The following PPP2R2C variants were observed in gnomAD, a reference collection of about 807,000 sequenced individuals.
The protein encoded by PPP2R2C is protein phosphatase 2, regulatory subunit B, gamma.
Under a neutral mutation model 45.3 loss-of-function variants are expected in PPP2R2C, and 10 were observed. The ratio of observed to expected loss-of-function variants is 0.22; its 90% CI spans 0.14 to 0.37. The LOEUF (loss-of-function observed/expected upper bound fraction) is 0.37. Among genes scored for constraint, PPP2R2C ranks in the 10% least tolerant of loss-of-function variants. PPP2R2C has a pLI of 1.00. For synonymous variants in PPP2R2C, 257 were observed against 245.4 expected (o/e 1.05, Z -0.44); for missense variants, 308 against 619.7 (o/e 0.50, Z 5.34).
intron 3 of PPP2R2C, among the ~76,000 whole-genome samples, chr4:6,377,464 T>C (rs1715417733): frequency 6.6e-6 from 1 of 152,068 alleles, no homozygotes; most frequent in African/African-American, 2.4e-5. Context: ...GAGATCAACC[T>C]GGCCAACATG....
At chr4:6,362,587 C>A (rs1352929319) in intron 5 of PPP2R2C, among the ~76,000 whole-genome samples, 8 of 152,196 alleles carry the variant, frequency 5.3e-5, no homozygotes, top group African/African-American at 1.9e-4. Flanking sequence ...CAAAGCTGGG[C>A]AGGCCATCAG....
rs563651634 is a variant in PPP2R2C, at chr4:6,330,104, G to A, written c.961-751C>T. 1.6e-4 allele frequency among the ~76,000 whole-genome samples: 25 copies of A among 152,220 alleles called. No individual in the cohort carries two copies. Among genetic ancestry groups the A allele is most frequent in the South Asian group, 1.0e-3 (5 of 4,816 alleles). ...ACCAGGACCCTTCCCCAGGATTCCCGTACCCCACAGGAGAGAGGGTGACAC... is the reference window on the plus strand; with the variant it reads ...ACCAGGACCCTTCCCCAGGATTCCCATACCCCACAGGAGAGAGGGTGACAC... On this transcript the variant is annotated intron_variant, in intron 7 of 8. Coordinates refer to ENST00000382599, the MANE Select transcript of PPP2R2C (RefSeq NM_020416.4). This position sits in a 1 kb window ranked among gnomAD's most constrained non-coding sequence, Gnocchi z 7.0.
chr4:6,388,936 C>T (rs1468621739), intron 1 of PPP2R2C, among the ~76,000 whole-genome samples: 1 of 152,148 alleles, frequency 6.6e-6, no homozygotes, highest in African/African-American at 2.4e-5. Context: ...CAGGCTCCAG[C>T]CCCCGAGAAC....
chr4:6,362,030 G>A (rs1210182670), intron 5 of PPP2R2C, among the ~76,000 whole-genome samples: 2 of 152,088 alleles, frequency 1.3e-5, no homozygotes, highest in Admixed American at 6.6e-5. Flanking sequence ...TGGGGTGTGT[G>A]TGTGTTGGAG....
intron 1 of PPP2R2C, chr4:6,535,434 G>T (rs184425460): frequency 1.7e-6 from 2 of 1,159,976 alleles, no homozygotes; most frequent in Non-Finnish European, 2.4e-6. Context: ...GTGCATGCAC[G>T]CCGCCACACA....
chr4:6,391,887 T>C (rs140441304), intron 1 of PPP2R2C, among the ~76,000 whole-genome samples: 90 of 152,354 alleles, frequency 5.9e-4, no homozygotes, highest in African/African-American at 1.7e-3. Flanking sequence ...TGTGTGACCT[T>C]GGGCAAAGCC....
At chr4:6,448,242 T>G (rs958345038) in intron 1 of PPP2R2C, among the ~76,000 whole-genome samples, 8 of 152,128 alleles carry the variant, frequency 5.3e-5, no homozygotes, top group Non-Finnish European at 1.0e-4. Context: ...TAAGAACTGT[T>G]TGATCCCTGC....
chr4:6,441,872 C>T (rs181232055), intron 1 of PPP2R2C, among the ~76,000 whole-genome samples: 2 of 152,334 alleles, frequency 1.3e-5, no homozygotes, highest in Middle Eastern at 6.8e-3. Flanking sequence ...TATGGCCCCC[C>T]AGCACTGCGG....
chr4:6,397,722 C>T (rs557413501), intron 1 of PPP2R2C, among the ~76,000 whole-genome samples: 3 of 152,344 alleles, frequency 2.0e-5, no homozygotes, highest in Non-Finnish European at 2.9e-5. Flanking sequence ...TCATCCTCTC[C>T]GAACCTCAGT....
At chr4:6,488,710 C>T (rs1304817816) in intron 2 of PPP2R2C, among the ~76,000 whole-genome samples, 2 of 152,054 alleles carry the variant, frequency 1.3e-5, no homozygotes, top group Admixed American at 6.6e-5. Context: ...ACAGTTTCAC[C>T]CTTTCAAAAG....
chr4:6,489,815 G>T (rs1396673614), intron 2 of PPP2R2C, among the ~76,000 whole-genome samples: 1 of 152,128 alleles, frequency 6.6e-6, no homozygotes, highest in Non-Finnish European at 1.5e-5. Flanking sequence ...AGGTAGGACA[G>T]GAAACCACCT....
intron 2 of PPP2R2C, among the ~76,000 whole-genome samples, chr4:6,515,989 C>T (rs1723818373): frequency 6.6e-6 from 1 of 152,228 alleles, no homozygotes. Context: ...GTCTCCTCTC[C>T]TCTTATTATA....
chr4:6,517,512 G>A (rs1485769198), intron 2 of PPP2R2C, among the ~76,000 whole-genome samples: 1 of 152,186 alleles, frequency 6.6e-6, no homozygotes, highest in Non-Finnish European at 1.5e-5. Flanking sequence ...CTACACGTCA[G>A]GTGCTGCTGT....
At chr4:6,367,545 C>A (rs1169104632) in intron 5 of PPP2R2C, among the ~76,000 whole-genome samples, 1 of 152,208 alleles carries the variant, frequency 6.6e-6, no homozygotes. Context: ...TAGAAGGTAT[C>A]TCAAACATTC....
intron 1 of PPP2R2C, among the ~76,000 whole-genome samples, chr4:6,538,148 A>G (rs35955750): frequency 0.34 from 52,386 of 151,952 alleles, 9,066 homozygotes; most frequent in Middle Eastern, 0.44. Flanking sequence ...AAACAATCCA[A>G]AAAAAAAGTT....
chr4:6,383,221 G>C, intron 1 of PPP2R2C: 1 of 1,196,172 alleles, frequency 8.4e-7, no homozygotes, highest in Non-Finnish European at 1.1e-6. Context: ...AGGAGGAAGA[G>C]TGGGTGCAGA....
At chr4:6,527,913 G>A (rs1327235219) in intron 2 of PPP2R2C, among the ~76,000 whole-genome samples, 2 of 152,176 alleles carry the variant, frequency 1.3e-5, no homozygotes, top group Non-Finnish European at 2.9e-5. Context: ...TGTCCCAGGA[G>A]CTGGGGAAGG....
At chr4:6,550,083 T>C (rs1725133677) in intron 1 of PPP2R2C, among the ~76,000 whole-genome samples, 1 of 152,072 alleles carries the variant, frequency 6.6e-6, no homozygotes, top group Non-Finnish European at 1.5e-5. Context: ...AGCCAATGGC[T>C]CATCCCACGG....
intron 6 of PPP2R2C, among the ~76,000 whole-genome samples, chr4:6,335,078 CATTCATTCATTT>C (rs1256821434): frequency 6.6e-6 from 1 of 152,228 alleles, no homozygotes; most frequent in Non-Finnish European, 1.5e-5. Flanking sequence ...CTCATTCATT[CATTCATTCATTT>C]ATTCACTCAG....
Sources: allele counts gnomAD v4.1 joint callset (sites outside exome capture counted in the v4.1 genomes callset), GRCh38; gene constraint gnomAD v4.1.1; non-coding constraint Gnocchi (gnomAD v3.1); transcripts MANE v1.5; gene names NCBI Gene and HGNC (gene_info 2026-07-23, HGNC 2026-07-21).